SOX5: variants seen among roughly 807,000 people sequenced by gnomAD.
SOX5 encodes the protein SRY-box transcription factor 5, also known as transcription factor SOX-5.
SOX5 carries 9 observed loss-of-function variants against 92.0 expected under a neutral mutation model. The ratio of observed to expected loss-of-function variants is 0.10; its 90% CI spans 0.06 to 0.17. The LOEUF (loss-of-function observed/expected upper bound fraction) is 0.17. SOX5 is among the 10% of genes least tolerant of loss of function. The pLI is 1.00. For missense variants in SOX5, 642 were observed against 944.5 expected, an observed-to-expected ratio of 0.68 and a Z score of 4.20; for synonymous variants, 344 against 336.3, an observed-to-expected ratio of 1.02 and a Z score of -0.25.
At chr12:24,062,976 A>T (rs1424729933) in intron 4 of SOX5, among the ~76,000 whole-genome samples, 2 of 152,246 alleles carry the variant, frequency 1.3e-5, no homozygotes, top group East Asian at 3.8e-4. Flanking sequence ...GAAAGGCACA[A>T]TGTTATACTA....
intron 1 of SOX5, among the ~76,000 whole-genome samples, chr12:23,904,311 T>C (rs2097267981): frequency 6.7e-6 from 1 of 150,348 alleles, no homozygotes; most frequent in Non-Finnish European, 1.5e-5. Flanking sequence ...CATACTTCTC[T>C]ACCCATTTCT....
intron 1 of SOX5, among the ~76,000 whole-genome samples, chr12:23,941,603 T>C (rs989410299): frequency 6.6e-6 from 1 of 151,548 alleles, no homozygotes; most frequent in East Asian, 1.9e-4. Flanking sequence ...TCCTAGGTGT[T>C]CTGCCTGACT....
At chr12:24,085,466 T>C (rs1593012184) in intron 4 of SOX5, among the ~76,000 whole-genome samples, 1 of 152,100 alleles carries the variant, frequency 6.6e-6, no homozygotes, top group Admixed American at 6.6e-5. Context: ...CAGCGTGACC[T>C]CAGAGCCCTC....
chr12:24,181,274 T>C (rs1330281616), intron 4 of SOX5, among the ~76,000 whole-genome samples: 5 of 152,214 alleles, frequency 3.3e-5, no homozygotes, highest in Non-Finnish European at 7.3e-5. Context: ...AGATAATGCC[T>C]ACTTAACTTT....
intron 6 of SOX5, among the ~76,000 whole-genome samples, chr12:23,699,470 A>G (rs2140176770): frequency 6.6e-6 from 1 of 152,176 alleles, no homozygotes; most frequent in Admixed American, 6.5e-5. Flanking sequence ...TTTTCTTTCC[A>G]TTTAGTTATC....
chr12:23,626,536 C>A (rs1001565214), intron 8 of SOX5, among the ~76,000 whole-genome samples: 1 of 152,112 alleles, frequency 6.6e-6, no homozygotes, highest in Admixed American at 6.5e-5. Flanking sequence ...CAAATCAATG[C>A]TTGCCTCATT....
At chr12:23,838,837 T>TA (rs376607362) in intron 3 of SOX5, among the ~76,000 whole-genome samples, 46 of 48,296 alleles carry the variant, frequency 9.5e-4, no homozygotes, top group African/African-American at 2.7e-3. Flanking sequence ...AGTAGTTCTT[T>TA]TTTTTTGGGG....
intron 4 of SOX5, among the ~76,000 whole-genome samples, chr12:24,048,189 A>G (rs1957231890): frequency 6.6e-6 from 1 of 152,228 alleles, no homozygotes; most frequent in Non-Finnish European, 1.5e-5. Context: ...AATCAGTGTT[A>G]TTACCCTCAT....
rs758001783 is a variant in SOX5, at chr12:23,970,841, A to AAAATT, written c.-1-74818_-1-74817insAATTT. On this transcript the variant is annotated intron_variant, in intron 4 of 4. Transcript: ENST00000446891. ...ACATGGGACTTTATATATATATATA[A>AAAATT]TTTTTTTTTTTTTTTAAGAAATGGG... Among the ~76,000 whole-genome samples, 4 of 21,884 alleles carry AAAATT rather than the reference A, an allele frequency of 1.8e-4. 1 individual carries two copies. Among genetic ancestry groups the AAAATT allele is most frequent in the South Asian group, 2.2e-3 (1 of 454 alleles). The allele number at this position is 21,884 out of a possible 152,430, so 14.4% of individuals were successfully genotyped here.
At chr12:24,038,151 T>C (rs1956216781) in intron 4 of SOX5, among the ~76,000 whole-genome samples, 1 of 152,130 alleles carries the variant, frequency 6.6e-6, no homozygotes, top group Non-Finnish European at 1.5e-5. Flanking sequence ...CACAGGAAGA[T>C]AGAGATAAAA....
intron 14 of SOX5, among the ~76,000 whole-genome samples, chr12:23,535,813 T>C (rs1940288645): frequency 6.6e-6 from 1 of 152,194 alleles, no homozygotes; most frequent in African/African-American, 2.4e-5. Context: ...ATGAACAACT[T>C]TATTTTGGGT....
At chr12:24,231,805 G>A (rs1214826813) in intron 3 of SOX5, among the ~76,000 whole-genome samples, 1 of 152,164 alleles carries the variant, frequency 6.6e-6, no homozygotes, top group East Asian at 1.9e-4. Flanking sequence ...TTTCCTTGAG[G>A]ATGATAATTC....
At chr12:23,982,715 A>G (rs1289745220) in intron 4 of SOX5, among the ~76,000 whole-genome samples, 2 of 152,138 alleles carry the variant, frequency 1.3e-5, no homozygotes, top group Non-Finnish European at 2.9e-5. Flanking sequence ...TAACATTTAA[A>G]AAAAGGAAAA....
intron 4 of SOX5, among the ~76,000 whole-genome samples, chr12:24,030,008 C>A (rs902127400): frequency 6.6e-6 from 1 of 151,822 alleles, no homozygotes; most frequent in African/African-American, 2.4e-5. Context: ...TTATGAGGTA[C>A]GTGTTGTTTT....
At chr12:24,438,303 G>A (rs1035293219) in intron 1 of SOX5, among the ~76,000 whole-genome samples, 4 of 152,132 alleles carry the variant, frequency 2.6e-5, no homozygotes, top group African/African-American at 4.8e-5. Context: ...CCAAGGGAGG[G>A]ATAGCGTTAG....
chr12:23,813,830 T>C (rs373361772), intron 3 of SOX5, among the ~76,000 whole-genome samples: 4 of 152,286 alleles, frequency 2.6e-5, no homozygotes, highest in African/African-American at 9.6e-5. Context: ...GGGAGATACT[T>C]GCCGAATTAT....
At chr12:24,312,518 A>G (rs1199882830) in intron 2 of SOX5, among the ~76,000 whole-genome samples, 1 of 152,216 alleles carries the variant, frequency 6.6e-6, no homozygotes, top group Non-Finnish European at 1.5e-5. Context: ...AAGTGTAAAC[A>G]AGGGCATGGA....
intron 3 of SOX5, among the ~76,000 whole-genome samples, chr12:24,235,040 C>T (rs1964175192): frequency 6.6e-6 from 1 of 152,200 alleles, no homozygotes; most frequent in South Asian, 2.1e-4. Context: ...GTCTATTACG[C>T]CTGCAGTATT....
At chr12:23,617,958 T>A (rs1566394230) in intron 8 of SOX5, among the ~76,000 whole-genome samples, 2 of 152,194 alleles carry the variant, frequency 1.3e-5, no homozygotes, top group South Asian at 4.1e-4. Flanking sequence ...CATTACAATA[T>A]GTTCCAACAT....
Sources: allele counts gnomAD v4.1 joint callset (sites outside exome capture counted in the v4.1 genomes callset), GRCh38; gene constraint gnomAD v4.1.1; transcripts MANE v1.5; gene names NCBI Gene and HGNC (gene_info 2026-07-23, HGNC 2026-07-21).